The following ZRANB3 variants were observed in gnomAD, a reference collection of about 807,000 sequenced individuals.
ZRANB3 encodes DNA annealing helicase and endonuclease ZRANB3.
Under a neutral mutation model 133.8 loss-of-function variants are expected in ZRANB3, and 125 were observed. The observed-to-expected ratio is 0.93, with a 90% CI of 0.81 to 1.08. The LOEUF (loss-of-function observed/expected upper bound fraction) is 1.08, where lower values mean the gene tolerates loss of function less well. Among genes scored for constraint, ZRANB3 ranks in the 50% least tolerant of loss-of-function variants. ZRANB3 has a pLI of 0.00. For missense variants in ZRANB3, 1,229 were observed against 1,275.5 expected (o/e 0.96, Z 0.56); for synonymous variants, 387 against 432.7 (o/e 0.89, Z 1.31).
chr2:135,378,071 A>G (rs1686507206), intron 3 of ZRANB3, among the ~76,000 whole-genome samples: 1 of 152,238 alleles, frequency 6.6e-6, no homozygotes, highest in African/African-American at 2.4e-5. Flanking sequence ...CTTGTTCCTC[A>G]GCCTGCTGAT....
intron 2 of ZRANB3, among the ~76,000 whole-genome samples, chr2:135,496,734 G>C (rs1187080513): frequency 6.6e-6 from 1 of 152,148 alleles, no homozygotes; most frequent in African/African-American, 2.4e-5. Flanking sequence ...TTCAAGAAAG[G>C]AAAGGACTAA....
intron 8 of ZRANB3, among the ~76,000 whole-genome samples, chr2:135,307,802 C>G (rs990310964): frequency 6.6e-6 from 1 of 152,096 alleles, no homozygotes; most frequent in Admixed American, 6.5e-5. Flanking sequence ...ATGTAGTCAG[C>G]GCTGAGTTCT....
chr2:135,211,313 G>T (rs1694088728), intron 17 of ZRANB3, among the ~76,000 whole-genome samples: 1 of 152,052 alleles, frequency 6.6e-6, no homozygotes, highest in African/African-American at 2.4e-5. Flanking sequence ...GGCCAAGGCG[G>T]GTGGATCATT....
chr2:135,445,781 C>T (rs1410710361), intron 2 of ZRANB3, among the ~76,000 whole-genome samples: 3 of 147,064 alleles, frequency 2.0e-5, no homozygotes, highest in Admixed American at 7.0e-5. Context: ...GAAGCTGAGG[C>T]AGGAAAATTG....
chr2:135,333,754 G>A (rs1382009166), intron 6 of ZRANB3, among the ~76,000 whole-genome samples: 1 of 152,170 alleles, frequency 6.6e-6, no homozygotes, highest in Non-Finnish European at 1.5e-5. Flanking sequence ...AAACACATTA[G>A]AATGTATTGA....
rs1044791097 is a variant in ZRANB3, at chr2:135,334,713, G to T, written c.677+10837C>A. 1.4e-4 allele frequency among the ~76,000 whole-genome samples: 21 copies of T among 151,876 alleles called. No individual in the cohort carries two copies. In the Middle Eastern group the frequency reaches 0.01, roughly 74 times the overall value. On this transcript the variant is annotated intron_variant, in intron 6 of 20. Coordinates refer to ENST00000264159, the MANE Select transcript of ZRANB3 (RefSeq NM_032143.4). The stretch of plus-strand genomic sequence containing the variant: ...GATCGAGACCATCCTGGCTAACATG[G>T]TGAAACCCCGTCTCTACTAAAAATA...
At chr2:135,436,206 G>A (rs1233468575) in intron 2 of ZRANB3, among the ~76,000 whole-genome samples, 2 of 152,202 alleles carry the variant, frequency 1.3e-5, no homozygotes, top group Non-Finnish European at 2.9e-5. Context: ...CATATGTCTA[G>A]CCAGTTATCC....
chr2:135,335,491 G>A lies in ZRANB3; in HGVS notation c.677+10059C>T, dbSNP rs112857231. On this transcript the variant is annotated intron_variant, in intron 6 of 20. Transcript: ENST00000264159. ...GCAGATGGCTTGAGGTCTGGAGTTC[G>A]ACAACAGCTTGGCCAACATGGTGAA... 3.0e-3 allele frequency among the ~76,000 whole-genome samples: 452 copies of A among 152,078 alleles called. 3 individuals carry two copies. The highest frequency in any genetic ancestry group is 0.01 in the African/African-American group (420 of 41,506).
chr2:135,368,904 A>G (rs1686053100), intron 3 of ZRANB3, among the ~76,000 whole-genome samples: 1 of 152,106 alleles, frequency 6.6e-6, no homozygotes, highest in South Asian at 2.1e-4. Context: ...AGCAGACAGC[A>G]TTTACTCGTC....
chr2:135,254,954 T>C (rs1273967251), intron 12 of ZRANB3, among the ~76,000 whole-genome samples: 2 of 152,000 alleles, frequency 1.3e-5, no homozygotes, highest in Non-Finnish European at 2.9e-5. Flanking sequence ...GAGTTCACCA[T>C]GTTGGCCAGG....
chr2:135,466,658 TA>T (rs1203511185), intron 2 of ZRANB3, among the ~76,000 whole-genome samples: 1 of 151,842 alleles, frequency 6.6e-6, no homozygotes, highest in African/African-American at 2.4e-5. Flanking sequence ...CCTTCAGCTT[TA>T]GAATTCTATG....
At chr2:135,443,566 A>G (rs901403846) in intron 2 of ZRANB3, among the ~76,000 whole-genome samples, 1 of 152,200 alleles carries the variant, frequency 6.6e-6, no homozygotes, top group South Asian at 2.1e-4. Context: ...TAGTAAGCAA[A>G]AGGCATTTGT....
intron 1 of ZRANB3, chr2:135,510,606 A>G: frequency 1.3e-6 from 1 of 751,222 alleles, no homozygotes; most frequent in Non-Finnish European, 2.4e-6. Context: ...CCATGCCTCC[A>G]TGAGGAGGGC....
At chr2:135,281,971 G>A (rs1681119409) in intron 8 of ZRANB3, among the ~76,000 whole-genome samples, 1 of 152,126 alleles carries the variant, frequency 6.6e-6, no homozygotes, top group African/African-American at 2.4e-5. Context: ...TGTGTTTTCT[G>A]AGACAGCTTC....
At chr2:135,527,033 A>G (rs1694192722) in intron 1 of ZRANB3, among the ~76,000 whole-genome samples, 1 of 152,198 alleles carries the variant, frequency 6.6e-6, no homozygotes, top group South Asian at 2.1e-4. Context: ...TCTTAAATGT[A>G]TTTGATTGAT....
In ZRANB3 at chr2:135,371,421, A is replaced by G. The variant is rs185314379; in HGVS notation, c.181-17793T>C. On this transcript the variant is annotated intron_variant, in intron 3 of 20. Transcript: ENST00000264159. ...AACTTAAACATTAAATTCCAGGAGG[A>G]TGCTTTGTGTCTGTATCTATCTGGG... Among the ~76,000 whole-genome samples the G allele has an allele frequency of 3.3e-5, 5 of 152,224 alleles. No individual in the cohort carries two copies. In the East Asian group the frequency reaches 9.7e-4, roughly 29 times the overall value.
At position 135,227,923 on chromosome 2, in the gene ZRANB3, C is replaced by G. The variant is rs1264462310; in HGVS notation, c.2047G>C (p.Asp683His). The stretch of plus-strand genomic sequence containing the variant: ...TGTGCAAGGGCTTGTTTTTCACAGT[C>G]TGAGATAGTTTGAACCTTTTTGGAG... ...DTSKKVQTIS[D>H]CEKQALAQSE... The change falls in exon 14 of 21, where the codon GAC (aspartate) becomes CAC (histidine). Residue 683 changes from aspartate to histidine, a missense_variant. Transcript: ENST00000264159. The G allele has an allele frequency of 6.4e-7, 1 of 1,556,614 alleles. No homozygotes were observed. The highest frequency in any genetic ancestry group is 8.7e-7 in the Non-Finnish European group (1 of 1,148,920).
At chr2:135,285,034 G>A (rs1049284655) in intron 8 of ZRANB3, among the ~76,000 whole-genome samples, 8 of 151,390 alleles carry the variant, frequency 5.3e-5, no homozygotes, top group African/African-American at 1.9e-4. Context: ...TAGTAGAAAC[G>A]GGGTTTCTCC....
chr2:135,486,671 G>T (rs947866705), intron 2 of ZRANB3, among the ~76,000 whole-genome samples: 5 of 152,158 alleles, frequency 3.3e-5, no homozygotes, highest in African/African-American at 1.2e-4. Context: ...TTGCCAGCAT[G>T]CCTGGCTAAT....
Sources: allele counts gnomAD v4.1 joint callset (sites outside exome capture counted in the v4.1 genomes callset), GRCh38; gene constraint gnomAD v4.1.1; transcripts MANE v1.5; gene names NCBI Gene and HGNC (gene_info 2026-07-23, HGNC 2026-07-21).